Variants in NRG1 observed in about 807,000 individuals in gnomAD.
The protein encoded by NRG1 is neuregulin 1, also known as pro-neuregulin-1, membrane-bound isoform.
In NRG1, 18 loss-of-function variants were observed where a neutral mutation model predicts 63.8. The ratio of observed to expected loss-of-function variants is 0.28; its 90% CI spans 0.19 to 0.42. The LOEUF is 0.42. NRG1 is among the 10% of genes least tolerant of loss of function. NRG1 has a pLI of 1.00. For synonymous variants in NRG1, 302 were observed against 301.3 expected (o/e 1.00, Z -0.02); for missense variants, 762 against 814.7 (o/e 0.94, Z 0.79).
intron 1 of NRG1, among the ~76,000 whole-genome samples, chr8:32,573,420 C>T (rs1020108390): frequency 1.3e-5 from 2 of 152,140 alleles, no homozygotes; most frequent in East Asian, 1.9e-4. Flanking sequence ...GCTTATGAGC[C>T]GTATTTTGCT....
intron 1 of NRG1, among the ~76,000 whole-genome samples, chr8:31,931,047 C>G (rs1208296501): frequency 6.6e-6 from 1 of 152,124 alleles, no homozygotes; most frequent in African/African-American, 2.4e-5. Context: ...AGTTTGGATT[C>G]AATTCAGATA....
At chr8:32,728,540 A>G (rs925148056) in intron 6 of NRG1, 1 of 985,284 alleles carries the variant, frequency 1.0e-6, no homozygotes, top group African/African-American at 1.7e-5. Context: ...ATTTACTGAC[A>G]TATATCTATT....
intron 5 of NRG1, 150 bp downstream of exon 5, chr8:32,617,035 G>T: frequency 1.6e-6 from 1 of 633,672 alleles, no homozygotes; most frequent in Non-Finnish European, 2.9e-6. Flanking sequence ...GAGTAGAAAT[G>T]GCCTCCTAAT....
intron 1 of NRG1, among the ~76,000 whole-genome samples, chr8:31,771,029 T>C (rs1276110428): frequency 1.3e-5 from 2 of 152,076 alleles, no homozygotes; most frequent in African/African-American, 4.8e-5. Context: ...TCATTTTCCT[T>C]TATAGCATAT....
intron 2 of NRG1, among the ~76,000 whole-genome samples, chr8:32,602,999 G>A (rs368773641): frequency 5.9e-5 from 9 of 152,194 alleles, no homozygotes; most frequent in African/African-American, 1.9e-4. Flanking sequence ...ATATTTTATT[G>A]TTAAGACATA....
intron 1 of NRG1, among the ~76,000 whole-genome samples, chr8:32,467,651 G>T (rs537839486): frequency 6.6e-6 from 1 of 152,292 alleles, no homozygotes; most frequent in African/African-American, 2.4e-5. Context: ...ACCAAATGTA[G>T]ATCTGTCCTT....
intron 1 of NRG1, among the ~76,000 whole-genome samples, chr8:31,706,689 C>A (rs1383433696): frequency 6.6e-6 from 1 of 152,202 alleles, no homozygotes; most frequent in Non-Finnish European, 1.5e-5. Flanking sequence ...CCTTTTTCCT[C>A]AGCCTTACCA....
chr8:32,068,680 C>T (rs1825273899), intron 1 of NRG1, among the ~76,000 whole-genome samples: 1 of 152,182 alleles, frequency 6.6e-6, no homozygotes, highest in African/African-American at 2.4e-5. Context: ...TGACAGTATT[C>T]TGCCCTCAAG....
chr8:31,764,778 G>C (rs987601663), intron 1 of NRG1, among the ~76,000 whole-genome samples: 1 of 151,590 alleles, frequency 6.6e-6, no homozygotes, highest in Non-Finnish European at 1.5e-5. Context: ...TAGGGTACAT[G>C]TGCACATTGT....
chr8:31,961,330 T>G (rs1805418544), intron 1 of NRG1, among the ~76,000 whole-genome samples: 1 of 152,164 alleles, frequency 6.6e-6, no homozygotes. Flanking sequence ...TACATACATC[T>G]TTTTGCATAT....
At chr8:31,865,632 C>T (rs1412235436) in intron 1 of NRG1, among the ~76,000 whole-genome samples, 1 of 152,024 alleles carries the variant, frequency 6.6e-6, no homozygotes, top group African/African-American at 2.4e-5. Flanking sequence ...CTCCTTTGCT[C>T]GGCACTTCTT....
chr8:32,477,778 T>C lies in NRG1; in HGVS notation c.38-118050T>C, dbSNP rs1252740339. On this transcript the variant is annotated intron_variant, in intron 1 of 10. Transcript: ENST00000519301. ...TAAGAATTATTAATTGAGTGTCTTC[T>C]CATAAAAATAGTAATATCTGTTCTT... Among the ~76,000 whole-genome samples, 8 of 152,338 alleles carry C rather than the reference T, an allele frequency of 5.3e-5. No homozygotes were observed. In the South Asian group the frequency reaches 1.7e-3, roughly 32 times the overall value.
At chr8:32,069,006 G>A (rs1399662270) in intron 1 of NRG1, among the ~76,000 whole-genome samples, 1 of 152,268 alleles carries the variant, frequency 6.6e-6, no homozygotes, top group East Asian at 1.9e-4. Context: ...TGAGGAGGAT[G>A]GCAATCATGA....
chr8:32,263,649 AGATT>A (rs1850619910), intron 1 of NRG1, among the ~76,000 whole-genome samples: 1 of 152,204 alleles, frequency 6.6e-6, no homozygotes, highest in African/African-American at 2.4e-5. Flanking sequence ...AGCTATATAT[AGATT>A]AACTTTTTAA....
At chr8:32,152,784 C>A (rs548665461) in intron 1 of NRG1, among the ~76,000 whole-genome samples, 91 of 151,854 alleles carry the variant, frequency 6.0e-4, no homozygotes, top group African/African-American at 2.1e-3. Flanking sequence ...ACTTTCAAGT[C>A]AAAAAAAAGT....
At chr8:31,905,233 A>G (rs1832428096) in intron 1 of NRG1, among the ~76,000 whole-genome samples, 1 of 152,158 alleles carries the variant, frequency 6.6e-6, no homozygotes, top group African/African-American at 2.4e-5. Context: ...GCCTTCCAGT[A>G]AGCTCCTTTT....
At chr8:32,497,062 A>T (rs1827277598) in intron 1 of NRG1, among the ~76,000 whole-genome samples, 2 of 152,230 alleles carry the variant, frequency 1.3e-5, no homozygotes, top group Admixed American at 1.3e-4. Flanking sequence ...AATGTTTCAC[A>T]TCCAAGTGCC....
chr8:32,184,580 T>A (rs1016476028), intron 1 of NRG1, among the ~76,000 whole-genome samples: 11 of 152,222 alleles, frequency 7.2e-5, no homozygotes, highest in Middle Eastern at 3.4e-3. Context: ...TATTTTTTTT[T>A]AATATATGTT....
At chr8:32,266,506 T>C (rs952591489) in intron 1 of NRG1, among the ~76,000 whole-genome samples, 5 of 152,136 alleles carry the variant, frequency 3.3e-5, no homozygotes, top group Non-Finnish European at 7.3e-5. Flanking sequence ...GTTCCTTAGT[T>C]CTGGGAAAAC....
Sources: gnomAD v4.1 joint callset for allele counts (sites outside exome capture counted in the v4.1 genomes callset) on GRCh38, gnomAD v4.1.1 for gene constraint, MANE v1.5 for transcripts, NCBI Gene and HGNC (gene_info 2026-07-23, HGNC 2026-07-21) for gene names.